ADAMTSL5: variants seen among roughly 807,000 people sequenced by gnomAD.
ADAMTSL5 encodes ADAMTS like 5.
Under a neutral mutation model 51.7 loss-of-function variants are expected in ADAMTSL5, and 53 were observed. The observed-to-expected ratio is 1.03, with a 90% CI of 0.82 to 1.29. The LOEUF is 1.29. Among genes scored for constraint, ADAMTSL5 ranks in the 50% most tolerant of loss-of-function variants. The probability of loss-of-function intolerance (pLI) is 0.00; values close to 1 mark genes in which losing one functional copy is unlikely to be tolerated. For synonymous variants in ADAMTSL5, 285 were observed against 278.7 expected (o/e 1.02, Z -0.23); for missense variants, 770 against 676.2 (o/e 1.14, Z -1.54).
At chr19:1,508,174 A>G in intron 6 of ADAMTSL5, 65 bp from the exon 7 acceptor site, 1 of 1,448,546 alleles carries the variant, frequency 6.9e-7, no homozygotes, top group Non-Finnish European at 9.1e-7. Context: ...GGGAAAGGGC[A>G]GTGCCTGGGA....
In ADAMTSL5 at chr19:1,510,631, C is replaced by T; in HGVS notation, c.191+8G>A. The T allele has an allele frequency of 1.3e-6, 2 of 1,532,114 alleles. No homozygotes were observed. Among genetic ancestry groups the T allele is most frequent in the Non-Finnish European group, 1.8e-6 (2 of 1,138,376 alleles). The allele number at this position is 1,532,114 out of a possible 1,614,324, so 94.9% of individuals were successfully genotyped here. A position where few individuals can be genotyped will look rare whatever the true frequency, so the allele number is the denominator to read the frequency against. Reference sequence around the variant, plus strand: ...GAGGGGCAGGGACCCCCTCCGGGCCCCGCTCACCGGAGGCAGCGCCGGCTG... The same window carrying T: ...GAGGGGCAGGGACCCCCTCCGGGCCTCGCTCACCGGAGGCAGCGCCGGCTG... On this transcript the variant is annotated splice_region_variant and intron_variant, in intron 3 of 11. Coordinates refer to ENST00000330475, the MANE Select transcript of ADAMTSL5 (RefSeq NM_213604.3).
chr19:1,506,973 G>C lies in ADAMTSL5; in HGVS notation c.853-45C>G, dbSNP rs928440022. On this transcript the variant is annotated intron_variant, in intron 9 of 11. Transcript: ENST00000330475. The surrounding 1 kb of genome is among the most constrained non-coding windows in gnomAD (Gnocchi z 5.6). The stretch of plus-strand genomic sequence containing the variant: ...ACAGGGAGCTTCACAGGAGGCTGGG[G>C]TTGCCTCCTGCCTCTGACCCTACGA... The C allele has an allele frequency of 2.6e-6, 4 of 1,510,004 alleles. No homozygotes were observed. The African/African-American group carries it at 5.6e-5, about 21-fold the overall frequency. The allele number at this position is 1,510,004 out of a possible 1,614,324, so 93.5% of individuals were successfully genotyped here. A position where few individuals can be genotyped will look rare whatever the true frequency, so the allele number is the denominator to read the frequency against.
At chr19:1,510,113 T>A (rs1332828061) in intron 5 of ADAMTSL5, 37 bp downstream of exon 5, 1 of 1,532,720 alleles carries the variant, frequency 6.5e-7, no homozygotes, top group Non-Finnish European at 8.9e-7. Context: ...TTGTTCGCTC[T>A]GGACCAATTC....
rs1220440709 is a variant in ADAMTSL5, at chr19:1,507,620, C to T, written c.625G>A (p.Val209Met). 4 of 1,613,396 alleles carry T rather than the reference C, an allele frequency of 2.5e-6. No homozygotes were observed. The highest frequency in any genetic ancestry group is 3.4e-6 in the Non-Finnish European group (4 of 1,180,016). ...DAGAFAGYWN[V>M]TLIPEGARHI... ...CTGGCGCCCTCGGGGATCAGGGTCA[C>T]GTTCCAGTACCCAGCGAAGGCACCT... Residue 209 changes from valine (V) to methionine (M), a missense_variant, in exon 8 of 12, where the codon GTG becomes ATG. Physicochemically the swap from Val to Met is conservative, Grantham distance 21 (BLOSUM62 1). Transcript: ENST00000330475.
chr19:1,508,162 TG>T, intron 6 of ADAMTSL5, 53 bp from the exon 7 acceptor site: 1 of 1,473,326 alleles, frequency 6.8e-7, no homozygotes, highest in African/African-American at 6.0e-5. Flanking sequence ...GGGCAGGACC[TG>T]GGGAAAGGGC....
intron 1 of ADAMTSL5, among the ~76,000 whole-genome samples, chr19:1,512,480 G>A (rs1289787265): frequency 1.3e-5 from 2 of 152,078 alleles, no homozygotes; most frequent in Non-Finnish European, 2.9e-5. Context: ...CAGAAGTTTG[G>A]GACCAGCCTG....
Position 1,510,933 on chromosome 19 carries a change from G to C in ADAMTSL5, c.11C>G (p.Ala4Gly), listed in dbSNP as rs750694660. ...GAGGTGGGGCCTGGGGAACAGAGGGGCCGAGTCCATAGAGCCACCGCCAGA... is the reference window on the plus strand; with the variant it reads ...GAGGTGGGGCCTGGGGAACAGAGGGCCCGAGTCCATAGAGCCACCGCCAGA... Reference protein sequence around the residue: MDSAPLFPRPHLFQ... With the variant: MDSGPLFPRPHLFQ... The change falls in exon 2 of 12, where the codon GCC becomes GGC. Residue 4 changes from alanine (A) to glycine (G), a missense_variant. Transcript: ENST00000330475. 2.1e-6 allele frequency: 3 copies of C among 1,447,646 alleles called. No individual in the cohort carries two copies. Among genetic ancestry groups the C allele is most frequent in the Admixed American group, 3.1e-5 (1 of 32,420 alleles). The allele number at this position is 1,447,646 out of a possible 1,614,324, so 89.7% of individuals were successfully genotyped here.
In ADAMTSL5 at chr19:1,507,383, G is replaced by C. The variant is rs750974930; in HGVS notation, c.711C>G (p.Arg237=). 3.2e-6 allele frequency: 5 copies of C among 1,575,598 alleles called. No individual in the cohort carries two copies. The highest frequency in any genetic ancestry group is 1.7e-4 in the Middle Eastern group (1 of 5,872). The change falls in exon 9 of 12, where the codon CGC becomes CGG. Residue 237 remains arginine, a synonymous_variant. Transcript: ENST00000330475. Reference sequence around the variant, plus strand: ...CCACCCAGTGCCCATTAAGCACGTAGCGCCCATCGCCCCCCATCAGTGCTG... The same window carrying C: ...CCACCCAGTGCCCATTAAGCACGTACCGCCCATCGCCCCCCATCAGTGCTG... ...NHLALMGGDG[R]YVLNGHWVVS... is the part of the protein sequence containing the mutation.
At chr19:1,511,897 A>G (rs1282589171) in intron 1 of ADAMTSL5, 3 of 243,024 alleles carry the variant, frequency 1.2e-5, no homozygotes, top group African/African-American at 2.3e-5. Flanking sequence ...TCGGTGCCTC[A>G]TGGCCTCATC....
At chr19:1,510,568 A>AG in intron 3 of ADAMTSL5, 71 bp downstream of exon 3, 1 of 1,470,634 alleles carries the variant, frequency 6.8e-7, no homozygotes. Context: ...GGGCAGGCCG[A>AG]GGGTGCGGCC....
Position 1,506,359 on chromosome 19 carries a change from C to G in ADAMTSL5, c.1115-43G>C. Reference sequence around the variant, plus strand: ...TAAGCTGGCTGGCTGCTCAACTCTGCGCAAATCTCTACGCCCCCTCCCTTG... The same window carrying G: ...TAAGCTGGCTGGCTGCTCAACTCTGGGCAAATCTCTACGCCCCCTCCCTTG... On this transcript the variant is annotated intron_variant, in intron 11 of 11. Coordinates refer to ENST00000330475, the MANE Select transcript of ADAMTSL5 (RefSeq NM_213604.3). The surrounding 1 kb of genome is among the most constrained non-coding windows in gnomAD (Gnocchi z 5.6). 1 of 1,538,244 alleles carries G rather than the reference C, an allele frequency of 6.5e-7. No homozygotes were observed. The highest frequency in any genetic ancestry group is 8.8e-7 in the Non-Finnish European group (1 of 1,141,778).
At chr19:1,512,358 A>G (rs1913303659) in intron 1 of ADAMTSL5, among the ~76,000 whole-genome samples, 1 of 152,158 alleles carries the variant, frequency 6.6e-6, no homozygotes, top group Non-Finnish European at 1.5e-5. Flanking sequence ...CCCAGGAAGC[A>G]GGAAGAAGTC....
Position 1,508,530 on chromosome 19 carries a change from G to A in ADAMTSL5, c.402C>T (p.His134=), listed in dbSNP as rs1913088221. The change falls in exon 6 of 12, where the codon CAC becomes CAT. Residue 134 remains histidine, a synonymous_variant. Coordinates refer to ENST00000330475, the MANE Select transcript of ADAMTSL5 (RefSeq NM_213604.3). The part of the protein sequence containing the change: ...QCDLNCLAEG[H]AFYHSFGRVL... Reference sequence around the variant, plus strand: ...CGCGGCCGAAGCTGTGGTAGAAGGCGTGCCCCTCAGCCAGGCAGTTGAGGT... The same window carrying A: ...CGCGGCCGAAGCTGTGGTAGAAGGCATGCCCCTCAGCCAGGCAGTTGAGGT... 3 of 1,583,016 alleles carry A rather than the reference G, an allele frequency of 1.9e-6. No individual in the cohort carries two copies. Among genetic ancestry groups the A allele is most frequent in the South Asian group, 1.1e-5 (1 of 88,126 alleles).
Position 1,506,774 on chromosome 19 carries a change from G to T in ADAMTSL5, c.1007C>A (p.Ala336Asp). Residue 336 changes from alanine (A) to aspartate (D), a missense_variant, in exon 10 of 12, where the codon GCT (alanine) becomes GAT (aspartate). Coordinates refer to ENST00000330475, the MANE Select transcript of ADAMTSL5 (RefSeq NM_213604.3). This position sits in a 1 kb window ranked among gnomAD's most constrained non-coding sequence, Gnocchi z 5.6. ...CGTTGGGGTCTGTGCAGGGGTGACAGCAGGGGCTGCGGGGGGCTGAGGCTC... is the reference window on the plus strand; with the variant it reads ...CGTTGGGGTCTGTGCAGGGGTGACATCAGGGGCTGCGGGGGGCTGAGGCTC... ...GVEPQPPAAP[A>D]VTPAQTPTLA... 6.5e-7 allele frequency: 1 copy of T among 1,547,424 alleles called. No individual in the cohort carries two copies. The highest frequency in any genetic ancestry group is 8.7e-7 in the Non-Finnish European group (1 of 1,147,118).
chr19:1,506,999 C>T lies in ADAMTSL5; in HGVS notation c.853-71G>A. The T allele has an allele frequency of 7.0e-7, 1 of 1,437,998 alleles. No homozygotes were observed. Among genetic ancestry groups the T allele is most frequent in the Non-Finnish European group, 9.4e-7 (1 of 1,067,440 alleles). The allele number at this position is 1,437,998 out of a possible 1,614,324, so 89.1% of individuals were successfully genotyped here. The stretch of plus-strand genomic sequence containing the variant: ...TTGCCTCCTGCCTCTGACCCTACGA[C>T]CCCAGCCTCCCCACTTTGATCCTGT... On this transcript the variant is annotated intron_variant, in intron 9 of 11. Transcript: ENST00000330475. This position sits in a 1 kb window ranked among gnomAD's most constrained non-coding sequence, Gnocchi z 5.6.
At position 1,508,453 on chromosome 19, in the gene ADAMTSL5, C is replaced by T. The variant is rs745314082; in HGVS notation, c.479G>A (p.Gly160Asp). ...CTGACGAGTCCTTACAAGGCAGCGG[C>T]CAGCCACGCAGACCCCCTGGGCACC... ...SPGAQGVCVA[G>D]RCLSAGCDGL... Residue 160 changes from glycine to aspartate, a missense_variant, in exon 6 of 12, where the codon GGC becomes GAC. Gly to Asp is a moderately conservative substitution (Grantham distance 94). Coordinates refer to ENST00000330475, the MANE Select transcript of ADAMTSL5 (RefSeq NM_213604.3). The T allele has an allele frequency of 3.8e-6, 6 of 1,560,264 alleles. No individual in the cohort carries two copies. Among genetic ancestry groups the T allele is most frequent in the African/African-American group, 1.4e-5 (1 of 74,014 alleles).
intron 7 of ADAMTSL5, 43 bp downstream of exon 7, chr19:1,507,955 C>A (rs1240049518): frequency 1.0e-5 from 16 of 1,538,406 alleles, no homozygotes; most frequent in Middle Eastern, 1.7e-4. Context: ...CGTTAAAGGG[C>A]CCACTCTGAC....
intron 5 of ADAMTSL5, chr19:1,508,879 C>T (rs1568243345): frequency 4.0e-6 from 1 of 251,108 alleles, no homozygotes; most frequent in East Asian, 8.1e-5. Flanking sequence ...CCACTGAACA[C>T]CTACTGTTTT....
At chr19:1,511,610 C>A (rs1913267620) in intron 1 of ADAMTSL5, 1 of 1,266,642 alleles carries the variant, frequency 7.9e-7, no homozygotes, top group Non-Finnish European at 1.0e-6. Context: ...CCCTCCCCAC[C>A]ATCACTGCTT....
Sources: allele counts gnomAD v4.1 joint callset (sites outside exome capture counted in the v4.1 genomes callset), GRCh38; gene constraint gnomAD v4.1.1; non-coding constraint Gnocchi (gnomAD v3.1); transcripts MANE v1.5; gene names NCBI Gene and HGNC (gene_info 2026-07-23, HGNC 2026-07-21).